Variants in C19orf38 observed in about 807,000 individuals in gnomAD.
The protein encoded by C19orf38 is chromosome 19 open reading frame 38, also known as protein HIDE1.
C19orf38 carries 14 observed loss-of-function variants against 26.6 expected under a neutral mutation model. The ratio of observed to expected loss-of-function variants is 0.53; its 90% CI spans 0.35 to 0.82. C19orf38 has a LOEUF of 0.82. C19orf38 is among the 40% of genes least tolerant of loss of function. The pLI, the probability that C19orf38 is intolerant of heterozygous loss-of-function variation, is 0.01. For synonymous variants in C19orf38, 132 were observed against 128.5 expected (o/e 1.03, Z -0.18); for missense variants, 261 against 299.5 (o/e 0.87, Z 0.95).
intron 4 of C19orf38, among the ~76,000 whole-genome samples, chr19:10,859,099 G>A (rs914948556): frequency 1.3e-5 from 2 of 150,882 alleles, no homozygotes; most frequent in African/African-American, 2.4e-5. Context: ...CACCACACCC[G>A]GCTAATTTTG....
At chr19:10,862,204 T>G (rs1210532651) in intron 5 of C19orf38, among the ~76,000 whole-genome samples, 1 of 146,104 alleles carries the variant, frequency 6.8e-6, no homozygotes. Context: ...CCAGCCTGTT[T>G]TTTTTTTTTT....
chr19:10,848,492 G>A lies in C19orf38; in HGVS notation c.-17G>A, dbSNP rs2073536447. ...CCTCTGGCCTCAGCCGGATTTCCCA[G>A]CCAAACGCAGAGAGAGATGCCCTGG... is the stretch of plus-strand genomic sequence containing the variant. On this transcript the variant is annotated 5_prime_UTR_variant, in exon 1 of 7. Coordinates refer to ENST00000397820, the MANE Select transcript of C19orf38 (RefSeq NM_001136482.3). 4 of 1,551,606 alleles carry A rather than the reference G, an allele frequency of 2.6e-6. No individual in the cohort carries two copies. In the East Asian group the frequency reaches 7.3e-5, roughly 28 times the overall value.
chr19:10,841,491 A>G (rs967736754), intron 1 of C19orf38, among the ~76,000 whole-genome samples: 1 of 151,820 alleles, frequency 6.6e-6, no homozygotes, highest in Non-Finnish European at 1.5e-5. Flanking sequence ...ATAAACACAC[A>G]CAAAAAAATA....
chr19:10,848,573 G>A (rs1302490751), intron 1 of C19orf38, 34 bp downstream of exon 1: 5 of 1,534,244 alleles, frequency 3.3e-6, no homozygotes, highest in Admixed American at 2.0e-5. Context: ...GATCCCCCAC[G>A]CCTTTCCCCC....
intron 4 of C19orf38, among the ~76,000 whole-genome samples, chr19:10,858,760 A>T (rs1425581224): frequency 6.6e-6 from 1 of 151,880 alleles, no homozygotes; most frequent in Non-Finnish European, 1.5e-5. Context: ...GCCCAATTGC[A>T]CTGTAGGTGA....
At chr19:10,849,462 G>A (rs1439378405) in intron 1 of C19orf38, among the ~76,000 whole-genome samples, 1 of 152,280 alleles carries the variant, frequency 6.6e-6, no homozygotes, top group Admixed American at 6.5e-5. Flanking sequence ...GGAGGCCAAG[G>A]TGGGAGGATC....
chr19:10,844,402 CAAA>C (rs1249868993), upstream of C19orf38, among the ~76,000 whole-genome samples: 1 of 65,074 alleles, frequency 1.5e-5, no homozygotes. Flanking sequence ...GACTCCGTCT[CAAA>C]AAAAAAAAAA....
At chr19:10,856,177 G>C (rs973239838) in intron 2 of C19orf38, 88 bp from the exon 3 acceptor site, 7 of 1,006,242 alleles carry the variant, frequency 7.0e-6, no homozygotes, top group South Asian at 1.4e-5. Context: ...TTCTTTGGTT[G>C]GGGGTTATGG....
At chr19:10,855,304 AT>A (rs970835280) in intron 2 of C19orf38, among the ~76,000 whole-genome samples, 23 of 151,916 alleles carry the variant, frequency 1.5e-4, no homozygotes, top group Non-Finnish European at 2.9e-4. Flanking sequence ...AAGGGCTGGG[AT>A]TACAGGCGTG....
chr19:10,850,361 C>CG lies in C19orf38; in HGVS notation c.139dup (p.Ala47GlyfsTer27). ...GCATGCATGGCCCCTGGGAACTTCC[C>CG]GGGGGCGAATTTCACACTGTATCGA... On this transcript the variant is annotated frameshift_variant, in exon 2 of 7. Transcript: ENST00000397820. LOFTEE classifies it high-confidence loss of function. 1 of 1,551,068 alleles carries CG rather than the reference C, an allele frequency of 6.4e-7. No individual in the cohort carries two copies. The highest frequency in any genetic ancestry group is 8.7e-7 in the Non-Finnish European group (1 of 1,146,774).
intron 6 of C19orf38, among the ~76,000 whole-genome samples, chr19:10,866,654 GT>G (rs113719440): frequency 1.1e-4 from 16 of 144,498 alleles, no homozygotes; most frequent in Non-Finnish European, 1.2e-4. Flanking sequence ...GCTGGCTAAA[GT>G]TTTTTTTTTT....
At chr19:10,844,415 A>G (rs866060215), upstream of C19orf38, among the ~76,000 whole-genome samples, 1 of 128,612 alleles carries the variant, frequency 7.8e-6, no homozygotes, top group Non-Finnish European at 1.7e-5. Context: ...AAAAAAAAAA[A>G]AAAAAATTTA....
At chr19:10,854,795 C>G (rs2073607522) in intron 2 of C19orf38, among the ~76,000 whole-genome samples, 1 of 152,086 alleles carries the variant, frequency 6.6e-6, no homozygotes, top group Non-Finnish European at 1.5e-5. Flanking sequence ...TGGCCACTGG[C>G]ACCCAGACTG....
rs1164758390 is a variant in C19orf38 at position 10,869,441 on chromosome 19, G to A, written c.*74G>A. ...GGTCCCTCCAGCTACTTCTGGGGGG[G>A]CTCTGTCAGCCACTTTCTCAGGGAA... On this transcript the variant is annotated 3_prime_UTR_variant, in exon 7 of 7. Coordinates refer to ENST00000397820, the MANE Select transcript of C19orf38 (RefSeq NM_001136482.3). The A allele has an allele frequency of 2.7e-5, 39 of 1,446,826 alleles. No homozygotes were observed. Among genetic ancestry groups the A allele is most frequent in the Non-Finnish European group, 3.3e-5 (36 of 1,092,596 alleles). The allele number at this position is 1,446,826 out of a possible 1,614,324, so 89.6% of individuals were successfully genotyped here.
At position 10,837,492 on chromosome 19, in the gene C19orf38, AT is replaced by A. The variant is rs1400870400; in HGVS notation, c.-69+731del. On this transcript the variant is annotated intron_variant, in intron 1 of 7. Coordinates refer to the C19orf38 transcript ENST00000592854. Reference sequence around the variant, plus strand: ...TTTCTTTTTTTTCTTTTTTTTTTTAATTTTTTTTTCCTTTTTTTTTTTTTTT... The same window carrying A: ...TTTCTTTTTTTTCTTTTTTTTTTTAATTTTTTTTCCTTTTTTTTTTTTTTT... Among the ~76,000 whole-genome samples, 54 of 81,980 alleles carry A rather than the reference AT, an allele frequency of 6.6e-4. 1 individual carries two copies. The South Asian group carries it at 0.014, about 21-fold the overall frequency. 53.8% of individuals were successfully genotyped at this position (81,980 alleles called of 152,430 possible).
chr19:10,868,764 C>T (rs576931484), intron 6 of C19orf38, among the ~76,000 whole-genome samples: 24 of 152,312 alleles, frequency 1.6e-4, no homozygotes, highest in African/African-American at 5.3e-4. Flanking sequence ...CCTCGGTCTC[C>T]CAAAGTGCTG....
chr19:10,860,855 AAAG>A (rs2073691251), intron 5 of C19orf38, among the ~76,000 whole-genome samples: 1 of 142,312 alleles, frequency 7.0e-6, no homozygotes, highest in African/African-American at 2.6e-5. Flanking sequence ...AAAAAAAAAA[AAAG>A]AAAGGGCCAG....
intron 6 of C19orf38, among the ~76,000 whole-genome samples, chr19:10,863,988 C>T (rs1318563737): frequency 6.6e-6 from 1 of 152,122 alleles, no homozygotes; most frequent in Non-Finnish European, 1.5e-5. Flanking sequence ...CAGAGAGTCC[C>T]ATAGACCCAG....
At chr19:10,858,055 C>T (rs556943755) in intron 3 of C19orf38, among the ~76,000 whole-genome samples, 1 of 151,322 alleles carries the variant, frequency 6.6e-6, no homozygotes, top group Non-Finnish European at 1.5e-5. Flanking sequence ...CATGACGAAC[C>T]CTCTTCTCTA....
Sources: allele counts gnomAD v4.1 joint callset (sites outside exome capture counted in the v4.1 genomes callset), GRCh38; gene constraint gnomAD v4.1.1; transcripts MANE v1.5; gene names NCBI Gene and HGNC (gene_info 2026-07-23, HGNC 2026-07-21).